The following ZNF385A variants were observed in gnomAD, a reference collection of about 807,000 sequenced individuals.
ZNF385A encodes the protein hematopoietic zinc finger protein.
In ZNF385A, 14 loss-of-function variants were observed where a neutral mutation model predicts 32.1. The ratio of observed to expected loss-of-function variants is 0.44; its 90% CI spans 0.29 to 0.68. ZNF385A has a LOEUF of 0.68. Ranked by LOEUF, ZNF385A falls within the 30% of genes least tolerant of loss-of-function variation. ZNF385A has a pLI of 0.14. For missense variants in ZNF385A, 406 were observed against 478.4 expected (o/e 0.85, Z 1.41); for synonymous variants, 197 against 202.7 (o/e 0.97, Z 0.24).
intron 1 of ZNF385A, among the ~76,000 whole-genome samples, chr12:54,383,607 A>T (rs1955310081): frequency 6.6e-6 from 1 of 152,198 alleles, no homozygotes; most frequent in South Asian, 2.1e-4. Flanking sequence ...AAGAATAGAC[A>T]GTGGCGGCTG....
upstream of ZNF385A, chr12:54,385,777 C>G (rs552895665): frequency 1.6e-5 from 8 of 488,830 alleles, no homozygotes; most frequent in African/African-American, 1.3e-4. Flanking sequence ...CCTCTGCCCC[C>G]TCCCTTGCCA....
upstream of ZNF385A, among the ~76,000 whole-genome samples, chr12:54,388,046 A>AGTGT (rs10665764): frequency 0.24 from 34,278 of 140,366 alleles, 4,548 homozygotes; most frequent in Non-Finnish European, 0.33. Flanking sequence ...AGTGTGTGTA[A>AGTGT]GTGTGTGTGT....
upstream of ZNF385A, among the ~76,000 whole-genome samples, chr12:54,388,416 G>A (rs1955550210): frequency 1.3e-5 from 2 of 152,108 alleles, no homozygotes; most frequent in South Asian, 2.1e-4. Flanking sequence ...CTAGAAATTC[G>A]GGCCTGGTCT....
chr12:54,388,084 G>GTGTGTGTGTGT (rs1955542958), upstream of ZNF385A, among the ~76,000 whole-genome samples: 1 of 115,806 alleles, frequency 8.6e-6, no homozygotes, highest in South Asian at 2.8e-4. Context: ...TGTGTGTGTG[G>GTGTGTGTGTGT]CACCCATGTC....
chr12:54,369,661 C>T lies in ZNF385A; in HGVS notation c.*595G>A, dbSNP rs4357739. 7.5e-3 allele frequency: 1,150 copies of T among 152,914 alleles called. 49 individuals are homozygous for T. The highest frequency in any genetic ancestry group is 0.07 in the Admixed American group (1,071 of 15,302). 9.5% of individuals were successfully genotyped at this position (152,914 alleles called of 1,614,324 possible). A position where few individuals can be genotyped will look rare whatever the true frequency, so the allele number is the denominator to read the frequency against. ...CCCACCCAAGTGCCGGAGATGCCCCCAAGTGCTGCCCCCTGCAATGGGCCC... is the reference window on the plus strand; with the variant it reads ...CCCACCCAAGTGCCGGAGATGCCCCTAAGTGCTGCCCCCTGCAATGGGCCC... On this transcript the variant is annotated 3_prime_UTR_variant, in exon 7 of 7. Coordinates refer to ENST00000394313, the MANE Select transcript of ZNF385A (RefSeq NM_015481.3).
chr12:54,386,335 G>A (rs1955480894), upstream of ZNF385A, among the ~76,000 whole-genome samples: 2 of 152,110 alleles, frequency 1.3e-5, no homozygotes, highest in Admixed American at 1.3e-4. Flanking sequence ...AGATGTCAGA[G>A]AGCGAAATCA....
upstream of ZNF385A, among the ~76,000 whole-genome samples, chr12:54,386,418 C>CAG (rs1955485503): frequency 6.6e-6 from 1 of 152,102 alleles, no homozygotes; most frequent in Non-Finnish European, 1.5e-5. Context: ...GACCGAGAGA[C>CAG]AGAGAACAGA....
chr12:54,386,428 A>T (rs963617206), upstream of ZNF385A, among the ~76,000 whole-genome samples: 6 of 152,168 alleles, frequency 3.9e-5, no homozygotes, highest in Non-Finnish European at 8.8e-5. Flanking sequence ...CAGAGAACAG[A>T]GACAGCGAGA....
intron 3 of ZNF385A, 99 bp from the exon 4 acceptor site, chr12:54,371,814 C>T (rs1407402581): frequency 6.5e-7 from 1 of 1,535,690 alleles, no homozygotes; most frequent in Non-Finnish European, 8.8e-7. Context: ...GGGCAAGGGA[C>T]CAGGAGTCCC....
intron 2 of ZNF385A, among the ~76,000 whole-genome samples, chr12:54,375,006 C>T (rs1565617421): frequency 6.6e-6 from 1 of 152,016 alleles, no homozygotes; most frequent in African/African-American, 2.4e-5. Context: ...TGTGGATAGG[C>T]AGGAAAAGAA....
At chr12:54,379,185 G>A in intron 1 of ZNF385A, 1 of 981,274 alleles carries the variant, frequency 1.0e-6, no homozygotes, top group Non-Finnish European at 1.2e-6. Flanking sequence ...GGCGGCTCGG[G>A]GCTGTGCGGC....
chr12:54,373,637 C>T (rs189584804), intron 3 of ZNF385A, among the ~76,000 whole-genome samples: 1 of 152,328 alleles, frequency 6.6e-6, no homozygotes, highest in East Asian at 1.9e-4. Flanking sequence ...CTTCCCTGCC[C>T]CTCTCCCTAA....
At chr12:54,382,862 A>G (rs1172468267) in intron 1 of ZNF385A, among the ~76,000 whole-genome samples, 1 of 151,602 alleles carries the variant, frequency 6.6e-6, no homozygotes, top group Non-Finnish European at 1.5e-5. Context: ...ATTTATTATT[A>G]TTTTTTAAAA....
chr12:54,390,661 A>C (rs1163450262), intron 1 of ZNF385A, among the ~76,000 whole-genome samples: 9 of 33,530 alleles, frequency 2.7e-4, no homozygotes, highest in African/African-American at 4.8e-4. Context: ...CTCTTCTCCC[A>C]AGCCCCTCTT....
chr12:54,385,963 C>T (rs1321804529), upstream of ZNF385A, among the ~76,000 whole-genome samples: 1 of 151,934 alleles, frequency 6.6e-6, no homozygotes, highest in Non-Finnish European at 1.5e-5. Flanking sequence ...CTGGAGGGGT[C>T]TGTCTCTTTC....
Position 54,371,688 on chromosome 12 carries a change from G to T in ZNF385A, c.389C>A (p.Ala130Asp). 6.2e-7 allele frequency: 1 copy of T among 1,611,164 alleles called. No homozygotes were observed. Residue 130 changes from alanine to aspartate, a missense_variant, in exon 4 of 7, where the codon GCC (alanine) becomes GAC (aspartate). Physicochemically the swap from Ala to Asp is moderately radical, Grantham distance 126. Transcript: ENST00000394313. The part of the protein sequence containing the change: ...PVSMENGLGP[A>D]PGSPEKQPGS... ...AGGCTGTTTCTCTGGGGATCCTGGG[G>T]CTGGCCCCAGTCCATTCTCCATGGA...
At chr12:54,377,932 C>T (rs1954930452) in intron 1 of ZNF385A, among the ~76,000 whole-genome samples, 1 of 152,202 alleles carries the variant, frequency 6.6e-6, no homozygotes, top group Non-Finnish European at 1.5e-5. Flanking sequence ...CCAGCCTGCT[C>T]TCCAGAGGGG....
chr12:54,375,703 A>G, intron 2 of ZNF385A, 141 bp downstream of exon 2: 1 of 712,042 alleles, frequency 1.4e-6, no homozygotes, highest in Non-Finnish European at 2.5e-6. Flanking sequence ...CGGTATCCCC[A>G]TTCCCTGCTC....
chr12:54,388,793 C>G (rs569467253), upstream of ZNF385A, among the ~76,000 whole-genome samples: 1 of 151,662 alleles, frequency 6.6e-6, no homozygotes, highest in African/African-American at 2.4e-5. Context: ...AAATTGAGGG[C>G]GGGGGTGGGA....
Sources: allele counts gnomAD v4.1 joint callset (sites outside exome capture counted in the v4.1 genomes callset), GRCh38; gene constraint gnomAD v4.1.1; transcripts MANE v1.5; gene names NCBI Gene and HGNC (gene_info 2026-07-23, HGNC 2026-07-21).